Variants in ZFAT observed in about 807,000 individuals in gnomAD.
The protein encoded by ZFAT is zinc finger protein ZFAT.
In ZFAT, 64 loss-of-function variants were observed where a neutral mutation model predicts 117.7. The ratio of observed to expected loss-of-function variants is 0.54; its 90% CI spans 0.44 to 0.67. The LOEUF (loss-of-function observed/expected upper bound fraction) is 0.67. ZFAT is among the 30% of genes least tolerant of loss of function. The pLI is 0.00. For synonymous variants in ZFAT, 679 were observed against 615.0 expected (o/e 1.10, Z -1.54); for missense variants, 1,433 against 1,584.5 (o/e 0.90, Z 1.62).
rs111864083 is a variant in ZFAT, at chr8:134,642,285, A to G, written c.197-4573T>C. On this transcript the variant is annotated intron_variant, in intron 2 of 15. Coordinates refer to ENST00000377838, the MANE Select transcript of ZFAT (RefSeq NM_020863.4). ...GTCAGCACTACACACTTTAATAGAG[A>G]CAATCTGTGCTGTGCAGAGAATGCT... Among the ~76,000 whole-genome samples the G allele has an allele frequency of 2.5e-4, 38 of 152,320 alleles. 1 individual carries two copies. The highest frequency in any genetic ancestry group is 9.1e-4 in the African/African-American group (38 of 41,576).
At chr8:134,803,008 A>G in the ZFAT span, among the ~76,000 whole-genome samples, 1 of 152,252 alleles carries the variant, frequency 6.6e-6, no homozygotes, top group Non-Finnish European at 1.5e-5. Context: ...AAGGGCATCC[A>G]GAATTAAAAC....
At chr8:134,665,308 C>T (rs972148171) in intron 1 of ZFAT, among the ~76,000 whole-genome samples, 3 of 152,216 alleles carry the variant, frequency 2.0e-5, no homozygotes, top group Non-Finnish European at 4.4e-5. Flanking sequence ...GGGACCCCTC[C>T]CCAACTTTCA....
intron 12 of ZFAT, 80 bp from the exon 13 acceptor site, chr8:134,521,081 G>T: frequency 2.0e-6 from 2 of 978,276 alleles, no homozygotes; most frequent in South Asian, 1.5e-5. Flanking sequence ...CTGTTCAAAT[G>T]CTTCAAATCT....
the ZFAT span, among the ~76,000 whole-genome samples, chr8:134,737,071 A>G: frequency 6.6e-6 from 1 of 152,172 alleles, no homozygotes; most frequent in Non-Finnish European, 1.5e-5. Flanking sequence ...ACCTGAGGTC[A>G]GGTGTTCGAG....
chr8:134,748,396 AT>A, the ZFAT span, among the ~76,000 whole-genome samples: 2 of 152,070 alleles, frequency 1.3e-5, no homozygotes, highest in Non-Finnish European at 2.9e-5. Context: ...TTGAAACTTA[AT>A]TTTTTTCCTC....
chr8:134,528,164 GCA>G (rs1821155165), intron 12 of ZFAT, among the ~76,000 whole-genome samples: 1 of 152,202 alleles, frequency 6.6e-6, no homozygotes, highest in Admixed American at 6.5e-5. Context: ...AGTGGCAAAG[GCA>G]CAGACGTTGA....
At chr8:134,797,104 CT>C in the ZFAT span, 1 of 152,114 alleles carries the variant, frequency 6.6e-6, no homozygotes, top group African/African-American at 2.4e-5. Flanking sequence ...TATACCTTTA[CT>C]TGAAAAATAA....
chr8:134,765,154 C>T, the ZFAT span: 6 of 152,236 alleles, frequency 3.9e-5, no homozygotes, highest in East Asian at 1.9e-4. Flanking sequence ...TTTTATACCC[C>T]GTTATTATTT....
At chr8:134,544,830 G>A (rs1226806889) in intron 11 of ZFAT, among the ~76,000 whole-genome samples, 2 of 152,122 alleles carry the variant, frequency 1.3e-5, no homozygotes, top group African/African-American at 4.8e-5. Context: ...ACCAAGATAT[G>A]GACCAAGAGA....
At chr8:134,773,016 C>T in the ZFAT span, among the ~76,000 whole-genome samples, 2 of 151,266 alleles carry the variant, frequency 1.3e-5, no homozygotes, top group Non-Finnish European at 2.9e-5. Context: ...ATTGCTTGAG[C>T]CCAGGAGTTT....
At chr8:134,545,181 T>A (rs1330481729) in intron 11 of ZFAT, among the ~76,000 whole-genome samples, 1 of 152,204 alleles carries the variant, frequency 6.6e-6, no homozygotes, top group Non-Finnish European at 1.5e-5. Context: ...CTGGTCAGTC[T>A]GACCAATATA....
Position 134,646,664 on chromosome 8 carries a change from C to T in ZFAT, c.197-8952G>A, listed in dbSNP as rs1489311750. Among the ~76,000 whole-genome samples the T allele has an allele frequency of 5.3e-5, 8 of 150,726 alleles. No individual in the cohort carries two copies. In the East Asian group the frequency reaches 7.8e-4, roughly 15 times the overall value. On this transcript the variant is annotated intron_variant, in intron 2 of 15. Coordinates refer to ENST00000377838, the MANE Select transcript of ZFAT (RefSeq NM_020863.4). ...TTGAGAAACCCTTAGCTAGACTAAC[C>T]GAGAAAAAAAGAGAGGCCACAAATG...
chr8:134,725,947 G>A, the ZFAT span, among the ~76,000 whole-genome samples: 10 of 152,098 alleles, frequency 6.6e-5, no homozygotes, highest in Non-Finnish European at 1.0e-4. Flanking sequence ...TTCTATCAAT[G>A]AATTAATTAG....
chr8:134,726,648 G>T, the ZFAT span, among the ~76,000 whole-genome samples: 14 of 152,274 alleles, frequency 9.2e-5, no homozygotes, highest in Admixed American at 2.6e-4. Flanking sequence ...CAGTTGGAGT[G>T]CAGTGCTGCG....
chr8:134,718,864 G>A, the ZFAT span, among the ~76,000 whole-genome samples: 3 of 152,194 alleles, frequency 2.0e-5, no homozygotes, highest in Non-Finnish European at 2.9e-5. Flanking sequence ...TGGTGTCCAC[G>A]ACTAGAGGGC....
intron 11 of ZFAT, among the ~76,000 whole-genome samples, chr8:134,555,815 GA>G (rs146881622): frequency 0.2 from 29,074 of 147,292 alleles, 3,180 homozygotes; most frequent in South Asian, 0.33. Context: ...AAAGCTCTAG[GA>G]AAAAAAAAAT....
At chr8:134,818,782 T>C in the ZFAT span, among the ~76,000 whole-genome samples, 1 of 152,218 alleles carries the variant, frequency 6.6e-6, no homozygotes, top group Non-Finnish European at 1.5e-5. Flanking sequence ...GAGTAACTAT[T>C]GGTGCATGGT....
the ZFAT span, chr8:134,767,196 G>A: frequency 6.6e-6 from 1 of 152,158 alleles, no homozygotes; most frequent in Non-Finnish European, 1.5e-5. Flanking sequence ...TATATATTCT[G>A]CAATTGTTGG....
At chr8:134,556,315 C>CT (rs1823621586) in intron 11 of ZFAT, among the ~76,000 whole-genome samples, 1 of 151,702 alleles carries the variant, frequency 6.6e-6, no homozygotes, top group Non-Finnish European at 1.5e-5. Context: ...ATGTGAGGTG[C>CT]TATTAGTGCC....
Sources: gnomAD v4.1 joint callset for allele counts (sites outside exome capture counted in the v4.1 genomes callset) on GRCh38, gnomAD v4.1.1 for gene constraint, MANE v1.5 for transcripts, NCBI Gene and HGNC (gene_info 2026-07-23, HGNC 2026-07-21) for gene names.